The following COL4A2 variants were observed in gnomAD, a reference collection of about 807,000 sequenced individuals.
COL4A2 encodes collagen type IV alpha 2 chain.
In COL4A2, 99 loss-of-function variants were observed where a neutral mutation model predicts 200.2. The observed-to-expected ratio is 0.49, with a 90% CI of 0.42 to 0.58. COL4A2 has a LOEUF of 0.58. COL4A2 is among the 20% of genes least tolerant of loss of function. The pLI is 0.00. For synonymous variants in COL4A2, 897 were observed against 900.6 expected (o/e 1.00, Z 0.07); for missense variants, 1,950 against 2,314.1 (o/e 0.84, Z 3.23).
intron 3 of COL4A2, among the ~76,000 whole-genome samples, chr13:110,326,170 C>G (rs1885405953): frequency 6.6e-6 from 1 of 152,196 alleles, no homozygotes. Flanking sequence ...CCTCGGAGTT[C>G]AAATTCATCT....
chr13:110,440,499 G>A (rs1881078192), intron 16 of COL4A2, among the ~76,000 whole-genome samples: 1 of 152,132 alleles, frequency 6.6e-6, no homozygotes, highest in African/African-American at 2.4e-5. Context: ...AGGAGGCTGA[G>A]GCAGGAGAAT....
At chr13:110,499,113 T>C (rs391780) in intron 40 of COL4A2, among the ~76,000 whole-genome samples, 85,952 of 152,160 alleles carry the variant, frequency 0.56, 24,744 homozygotes, top group South Asian at 0.66. Flanking sequence ...CATAATGTCA[T>C]TCAGGACACA....
chr13:110,338,330 G>T (rs1159429817), intron 3 of COL4A2, among the ~76,000 whole-genome samples: 1 of 151,332 alleles, frequency 6.6e-6, no homozygotes, highest in African/African-American at 2.4e-5. Flanking sequence ...GGAAAACAGT[G>T]AGGGAGAGAG....
Position 110,446,828 on chromosome 13 carries a change from C to G in COL4A2, c.1042C>G (p.Leu348Val). 1 of 1,613,108 alleles carries G rather than the reference C, an allele frequency of 6.2e-7. No individual in the cohort carries two copies. Among genetic ancestry groups the G allele is most frequent in the Non-Finnish European group, 8.5e-7 (1 of 1,179,150 alleles). Reference protein sequence around the residue: ...GEAGDPGPPGLPAYSPHPSLA... With the variant: ...GEAGDPGPPGVPAYSPHPSLA... ...AGCCGGAGACCCAGGGCCCCCTGGA[C>G]TACCTGCCTACTCCCCTCACCCTTC... Residue 348 changes from leucine to valine, a missense_variant, in exon 18 of 48, where the codon CTA becomes GTA. By Grantham distance (32) the Leu-to-Val change is conservative. Transcript: ENST00000360467.
intron 30 of COL4A2, 40 bp downstream of exon 30, chr13:110,478,204 C>T: frequency 6.7e-7 from 1 of 1,484,274 alleles, no homozygotes; most frequent in Non-Finnish European, 9.0e-7. Flanking sequence ...GGGGTCCTCA[C>T]TGGTCCTGCC....
chr13:110,393,677 G>C (rs187352374), intron 4 of COL4A2, among the ~76,000 whole-genome samples: 1 of 151,670 alleles, frequency 6.6e-6, no homozygotes, highest in Non-Finnish European at 1.5e-5. Flanking sequence ...TCAGGAGTTC[G>C]AGACCAACCT....
At chr13:110,379,957 G>A (rs1878396386) in intron 4 of COL4A2, among the ~76,000 whole-genome samples, 1 of 152,112 alleles carries the variant, frequency 6.6e-6, no homozygotes, top group African/African-American at 2.4e-5. Context: ...GCCCCTCTGT[G>A]TCACCAGGCA....
At chr13:110,354,639 A>G (rs181238761) in intron 3 of COL4A2, among the ~76,000 whole-genome samples, 1 of 132,126 alleles carries the variant, frequency 7.6e-6, no homozygotes, top group African/African-American at 3.9e-5. Context: ...TTTTTTTTTT[A>G]TAGTAGTAAC....
intron 46 of COL4A2, 164 bp from the exon 47 acceptor site, chr13:110,507,767 AAAAG>A: frequency 1.5e-6 from 1 of 649,978 alleles, no homozygotes; most frequent in Non-Finnish European, 2.6e-6. Flanking sequence ...CAAAAAGAGA[AAAAG>A]AAAGAAATTG....
At chr13:110,350,549 A>G (rs1876911197) in intron 3 of COL4A2, among the ~76,000 whole-genome samples, 1 of 152,144 alleles carries the variant, frequency 6.6e-6, no homozygotes, top group Admixed American at 6.5e-5. Flanking sequence ...CCAGGCACCC[A>G]CTGAGTCATG....
chr13:110,379,519 G>A (rs1878378641), intron 4 of COL4A2, among the ~76,000 whole-genome samples: 1 of 152,216 alleles, frequency 6.6e-6, no homozygotes, highest in Admixed American at 6.5e-5. Context: ...GCGCCGGGCA[G>A]CAGTGGGGCT....
intron 18 of COL4A2, among the ~76,000 whole-genome samples, chr13:110,448,470 G>A (rs1374129048): frequency 1.3e-5 from 2 of 152,190 alleles, no homozygotes; most frequent in African/African-American, 4.8e-5. Context: ...GCTGGAATGT[G>A]ACTGACTTGC....
At chr13:110,397,375 T>G (rs1594190837) in intron 4 of COL4A2, among the ~76,000 whole-genome samples, 1 of 152,200 alleles carries the variant, frequency 6.6e-6, no homozygotes, top group African/African-American at 2.4e-5. Context: ...GGATTCAGGC[T>G]TCAGGTTGTC....
chr13:110,467,222 T>C (rs979404804), intron 27 of COL4A2, 126 bp downstream of exon 27: 1 of 1,265,920 alleles, frequency 7.9e-7, no homozygotes, highest in African/African-American at 1.5e-5. Flanking sequence ...GTGTCCAGCA[T>C]CTCAGCACAA....
intron 4 of COL4A2, among the ~76,000 whole-genome samples, chr13:110,370,632 T>A (rs1274770764): frequency 6.6e-6 from 1 of 152,222 alleles, no homozygotes; most frequent in African/African-American, 2.4e-5. Flanking sequence ...TGCAGTTAAT[T>A]TTTGAACTTG....
At chr13:110,406,671 G>A (rs765922691) in intron 4 of COL4A2, among the ~76,000 whole-genome samples, 36 of 151,676 alleles carry the variant, frequency 2.4e-4, no homozygotes, top group Middle Eastern at 3.2e-3. Flanking sequence ...TAGCCGAGAC[G>A]CTTTTCCTAC....
In COL4A2 at chr13:110,355,396, T is replaced by A. The variant is rs1298079231; in HGVS notation, c.100-2076T>A. On this transcript the variant is annotated intron_variant, in intron 3 of 47. Coordinates refer to ENST00000360467, the MANE Select transcript of COL4A2 (RefSeq NM_001846.4). ...TAGCTCACCTGTGTGGGGGGAGGGC[T>A]GCACTAGCTCACCTGTGTGTGTGGG... Among the ~76,000 whole-genome samples the A allele has an allele frequency of 2.2e-3, 149 of 67,684 alleles. 1 individual carries two copies. Among genetic ancestry groups the A allele is most frequent in the Middle Eastern group, 0.012 (1 of 86 alleles). The allele number at this position is 67,684 out of a possible 152,430, so 44.4% of individuals were successfully genotyped here. A position where few individuals can be genotyped will look rare whatever the true frequency, so the allele number is the denominator to read the frequency against.
chr13:110,367,926 A>G (rs996459382), intron 4 of COL4A2, among the ~76,000 whole-genome samples: 11 of 152,198 alleles, frequency 7.2e-5, no homozygotes, highest in African/African-American at 2.7e-4. Context: ...CGGCCATACC[A>G]TTGCAACCTA....
At chr13:110,381,888 A>C (rs1878508231) in intron 4 of COL4A2, among the ~76,000 whole-genome samples, 1 of 152,174 alleles carries the variant, frequency 6.6e-6, no homozygotes, top group South Asian at 2.1e-4. Flanking sequence ...ACCCATACTG[A>C]GATTTTATGC....
Sources: allele counts gnomAD v4.1 joint callset (sites outside exome capture counted in the v4.1 genomes callset), GRCh38; gene constraint gnomAD v4.1.1; transcripts MANE v1.5; gene names NCBI Gene and HGNC (gene_info 2026-07-23, HGNC 2026-07-21).